GRID2: variants seen among roughly 807,000 people sequenced by gnomAD.
GRID2 encodes the protein glutamate receptor ionotropic, delta-2.
A neutral mutation model predicts 114.8 loss-of-function variants in GRID2; 33 were observed. That is an observed-to-expected ratio of 0.29 (90% confidence interval 0.22 to 0.38). The LOEUF is 0.38. Among genes scored for constraint, GRID2 ranks in the 10% least tolerant of loss-of-function variants. The pLI is 1.00. For synonymous variants in GRID2, 505 were observed against 449.9 expected (o/e 1.12, Z -1.55); for missense variants, 1,184 against 1,257.7 (o/e 0.94, Z 0.89).
chr4:92,578,327 T>A (rs1237259687), intron 1 of GRID2, among the ~76,000 whole-genome samples: 1 of 134,348 alleles, frequency 7.4e-6, no homozygotes, highest in Non-Finnish European at 1.5e-5. Flanking sequence ...GTCCATGTGT[T>A]CTCATTGTTC....
At chr4:93,694,024 T>C (rs536166928) in intron 14 of GRID2, among the ~76,000 whole-genome samples, 3 of 152,230 alleles carry the variant, frequency 2.0e-5, no homozygotes, top group Admixed American at 2.0e-4. Flanking sequence ...CATGAAGCAC[T>C]GGAAGGATTT....
At chr4:93,354,023 G>GCACACA (rs72026131) in intron 8 of GRID2, among the ~76,000 whole-genome samples, 1 of 100,236 alleles carries the variant, frequency 1.0e-5, no homozygotes, top group African/African-American at 6.3e-5. Context: ...GCACACACAT[G>GCACACA]CACACACACA....
chr4:92,822,363 C>A, intron 2 of GRID2: 1 of 616,120 alleles, frequency 1.6e-6, no homozygotes, highest in South Asian at 1.4e-5. Context: ...ACTGTGTGGC[C>A]AAAGTGGTTC....
intron 1 of GRID2, among the ~76,000 whole-genome samples, chr4:92,451,683 G>A (rs534397050): frequency 3.3e-5 from 5 of 152,296 alleles, no homozygotes; most frequent in Non-Finnish European, 7.4e-5. Flanking sequence ...TCATTGTGGA[G>A]TTCATCTTTG....
intron 2 of GRID2, among the ~76,000 whole-genome samples, chr4:92,698,732 A>C (rs1734533593): frequency 6.6e-6 from 1 of 152,020 alleles, no homozygotes; most frequent in Non-Finnish European, 1.5e-5. Flanking sequence ...TGCCTATTTT[A>C]AAATGTCTCT....
At chr4:93,016,059 G>C (rs910512166) in intron 2 of GRID2, among the ~76,000 whole-genome samples, 4 of 114,798 alleles carry the variant, frequency 3.5e-5, no homozygotes, top group Non-Finnish European at 7.3e-5. Flanking sequence ...AAGTGTGTGT[G>C]TGAGTGTGTG....
At chr4:93,475,504 T>C (rs1042266538) in intron 11 of GRID2, among the ~76,000 whole-genome samples, 3 of 152,152 alleles carry the variant, frequency 2.0e-5, no homozygotes, top group Admixed American at 1.3e-4. Context: ...TGGTTTTAAA[T>C]GACATTTTGG....
rs561326290 is a variant in GRID2, at chr4:92,914,426, C to G, written c.245-170569C>G. The stretch of plus-strand genomic sequence containing the variant: ...AATCTTTGGAAATATAATTTTTTTA[C>G]TTTTATTTCTGGTTTGGAGTGTAAG... On this transcript the variant is annotated intron_variant, in intron 2 of 15. Coordinates refer to ENST00000282020, the MANE Select transcript of GRID2 (RefSeq NM_001510.4). 2.6e-5 allele frequency among the ~76,000 whole-genome samples: 4 copies of G among 151,988 alleles called. No individual in the cohort carries two copies. The East Asian group carries it at 7.8e-4, about 29-fold the overall frequency.
intron 1 of GRID2, among the ~76,000 whole-genome samples, chr4:92,566,441 G>A (rs1228213812): frequency 2.6e-5 from 4 of 151,886 alleles, no homozygotes; most frequent in Non-Finnish European, 4.4e-5. Context: ...ACACAGTTTC[G>A]GACAATAGGA....
At chr4:93,623,794 A>T (rs763897099) in intron 13 of GRID2, among the ~76,000 whole-genome samples, 1 of 152,126 alleles carries the variant, frequency 6.6e-6, no homozygotes, top group Non-Finnish European at 1.5e-5. Flanking sequence ...TTGGTATTCT[A>T]AGTCTCTGAT....
intron 2 of GRID2, among the ~76,000 whole-genome samples, chr4:92,997,863 G>C (rs942909720): frequency 6.6e-6 from 1 of 151,966 alleles, no homozygotes; most frequent in Non-Finnish European, 1.5e-5. Context: ...AACTCTTAGT[G>C]GCTCATGGAA....
intron 11 of GRID2, among the ~76,000 whole-genome samples, chr4:93,458,841 G>T (rs1203473420): frequency 6.6e-6 from 1 of 152,078 alleles, no homozygotes; most frequent in Non-Finnish European, 1.5e-5. Context: ...GGTATATGGA[G>T]AACTAGAAAG....
At chr4:92,830,793 G>T (rs1162122368) in intron 2 of GRID2, among the ~76,000 whole-genome samples, 1 of 151,992 alleles carries the variant, frequency 6.6e-6, no homozygotes, top group East Asian at 1.9e-4. Context: ...TTCTACCTAG[G>T]TCTACAGTCT....
At chr4:92,368,962 A>G (rs977559387) in intron 1 of GRID2, among the ~76,000 whole-genome samples, 8 of 149,780 alleles carry the variant, frequency 5.3e-5, no homozygotes, top group African/African-American at 1.9e-4. Flanking sequence ...AAAAAAAAGT[A>G]TTAGGTAACA....
intron 13 of GRID2, among the ~76,000 whole-genome samples, chr4:93,625,103 TC>T (rs1438770858): frequency 1.3e-5 from 2 of 152,216 alleles, no homozygotes; most frequent in Non-Finnish European, 2.9e-5. Context: ...TGTCATTTTT[TC>T]TTCAATGTGA....
At chr4:93,141,269 T>C (rs538720659) in intron 4 of GRID2, among the ~76,000 whole-genome samples, 1 of 152,196 alleles carries the variant, frequency 6.6e-6, no homozygotes, top group Non-Finnish European at 1.5e-5. Context: ...ATTACATATG[T>C]AGTCTTTCTC....
chr4:92,797,992 A>G (rs2149369886), intron 2 of GRID2, among the ~76,000 whole-genome samples: 1 of 152,160 alleles, frequency 6.6e-6, no homozygotes, highest in East Asian at 1.9e-4. Flanking sequence ...TGGAGCAGTC[A>G]GCCTGCTTCC....
chr4:93,257,631 C>G (rs1164886416), intron 8 of GRID2, among the ~76,000 whole-genome samples: 2 of 151,390 alleles, frequency 1.3e-5, no homozygotes, highest in African/African-American at 2.4e-5. Context: ...AAAGAAGTAT[C>G]ATAAATAAAA....
chr4:93,175,734 TC>T (rs1027434438), intron 4 of GRID2, among the ~76,000 whole-genome samples: 3 of 152,202 alleles, frequency 2.0e-5, no homozygotes, highest in African/African-American at 7.2e-5. Context: ...ATGTCAGAAA[TC>T]TTTTTTAATT....
Sources: allele counts gnomAD v4.1 joint callset (sites outside exome capture counted in the v4.1 genomes callset), GRCh38; gene constraint gnomAD v4.1.1; transcripts MANE v1.5; gene names NCBI Gene and HGNC (gene_info 2026-07-23, HGNC 2026-07-21).